The following HMCN1 variants were observed in gnomAD, a reference collection of about 807,000 sequenced individuals.
HMCN1 encodes the protein hemicentin-1.
Under a neutral mutation model 625.9 loss-of-function variants are expected in HMCN1, and 321 were observed. The ratio of observed to expected loss-of-function variants is 0.51; its 90% CI spans 0.47 to 0.56. HMCN1 has a LOEUF of 0.56. Ranked by LOEUF, HMCN1 falls within the 20% of genes least tolerant of loss-of-function variation. The probability of loss-of-function intolerance (pLI) is 0.00; values close to 1 mark genes in which losing one functional copy is unlikely to be tolerated. For missense variants in HMCN1, 6,588 were observed against 6,887.3 expected, an observed-to-expected ratio of 0.96 and a Z score of 1.54; for synonymous variants, 2,425 against 2,417.6, an observed-to-expected ratio of 1.00 and a Z score of -0.09.
intron 42 of HMCN1, 58 bp downstream of exon 42, chr1:186,048,897 A>T: frequency 1.0e-6 from 1 of 997,012 alleles, no homozygotes; most frequent in Non-Finnish European, 1.6e-6. Flanking sequence ...TGTGTCACTT[A>T]AAATGACATT....
In HMCN1 at chr1:186,144,264, C is replaced by A. The variant is rs1650143850; in HGVS notation, c.14016C>A (p.Asn4672Lys). Residue 4672 changes from asparagine to lysine, a missense_variant, in exon 90 of 107, where the codon AAC becomes AAA. This residue lies in a region of HMCN1 where 1,954 missense variants were observed against 2,013.1 expected (regional missense o/e 0.97). Transcript: ENST00000271588. ...GTQTRARLCNNPPPAFGGSYC... is the reference protein window; with the variant it reads ...GTQTRARLCNKPPPAFGGSYC... ...AGACAAGAGCAAGACTTTGTAATAACCCACCACCAGCGTTTGGTGGGTCCT... is the reference window on the plus strand; with the variant it reads ...AGACAAGAGCAAGACTTTGTAATAAACCACCACCAGCGTTTGGTGGGTCCT... The A allele has an allele frequency of 6.2e-7, 1 of 1,613,880 alleles. No homozygotes were observed. The highest frequency in any genetic ancestry group is 8.5e-7 in the Non-Finnish European group (1 of 1,179,970).
intron 1 of HMCN1, among the ~76,000 whole-genome samples, chr1:185,780,365 C>T (rs1656979291): frequency 1.3e-5 from 2 of 152,160 alleles, no homozygotes; most frequent in Admixed American, 6.5e-5. Flanking sequence ...ATTGCCCTGG[C>T]CAGAACTTCC....
At chr1:185,812,368 A>G (rs1322553915) in intron 1 of HMCN1, among the ~76,000 whole-genome samples, 1 of 152,144 alleles carries the variant, frequency 6.6e-6, no homozygotes, top group Non-Finnish European at 1.5e-5. Flanking sequence ...ACTTGACTTG[A>G]AAAAAATGAA....
chr1:186,146,485 A>AG (rs1161556066), intron 93 of HMCN1, among the ~76,000 whole-genome samples: 5 of 152,198 alleles, frequency 3.3e-5, no homozygotes, highest in African/African-American at 1.2e-4. Context: ...TTGTCTCAGA[A>AG]GGCAGGCTTC....
In HMCN1 at chr1:186,130,656, C is replaced by A; in HGVS notation, c.13189C>A (p.Arg4397=). ...GVDIEISHRI[R]QLGNGSLAIY... is the part of the protein sequence containing the mutation. ...GGATATTGAAATTAGCCACAGAATC[C>A]GGCAACTGGGCAATGGCTCCCTGGC... is the stretch of plus-strand genomic sequence containing the variant. Residue 4397 remains arginine, a synonymous_variant, in exon 85 of 107, where the codon CGG becomes AGG. Transcript: ENST00000271588. 2 of 1,613,272 alleles carry A rather than the reference C, an allele frequency of 1.2e-6. No individual in the cohort carries two copies. The highest frequency in any genetic ancestry group is 1.7e-6 in the Non-Finnish European group (2 of 1,179,590).
At chr1:185,804,065 C>T (rs1362216313) in intron 1 of HMCN1, among the ~76,000 whole-genome samples, 1 of 152,026 alleles carries the variant, frequency 6.6e-6, no homozygotes, top group African/African-American at 2.4e-5. Context: ...CATCTCTTTT[C>T]ATACCTTCTA....
At position 185,911,753 on chromosome 1, in the gene HMCN1, G is replaced by A. The variant is rs1294862889; in HGVS notation, c.873G>A (p.Glu291=). ...CTGCCAAAGTAGTGAATGTGAAAGA[G>A]CCAGAGGCTGGAATGTGGACAGTGA... is the stretch of plus-strand genomic sequence containing the variant. ...HNSAKVVNVK[E]PEAGMWTVKT... Residue 291 remains glutamate, a synonymous_variant, in exon 6 of 107, where the codon GAG becomes GAA. Coordinates refer to ENST00000271588, the MANE Select transcript of HMCN1 (RefSeq NM_031935.3). The A allele has an allele frequency of 6.2e-7, 1 of 1,613,010 alleles. No individual in the cohort carries two copies. Among genetic ancestry groups the A allele is most frequent in the Non-Finnish European group, 8.5e-7 (1 of 1,179,140 alleles).
At position 186,084,386 on chromosome 1, in the gene HMCN1, C is replaced by T. The variant is rs114340596; in HGVS notation, c.8884+1425C>T. ...GAGGAAGTAATCACTAGTGTTTTAC[C>T]AATAAGGATTGGAGTTCAGAAATGT... On this transcript the variant is annotated intron_variant, in intron 57 of 106. Coordinates refer to ENST00000271588, the MANE Select transcript of HMCN1 (RefSeq NM_031935.3). 5.8e-3 allele frequency among the ~76,000 whole-genome samples: 889 copies of T among 152,138 alleles called. 11 individuals are homozygous for T. The highest frequency in any genetic ancestry group is 0.021 in the African/African-American group (868 of 41,494).
intron 11 of HMCN1, among the ~76,000 whole-genome samples, chr1:185,957,728 A>G (rs574916858): frequency 3.9e-5 from 6 of 152,280 alleles, no homozygotes; most frequent in Non-Finnish European, 8.8e-5. Flanking sequence ...TTTGTCTTCT[A>G]TGGTATCAGG....
At position 186,062,613 on chromosome 1, in the gene HMCN1, C is replaced by G. The variant is rs1352421587; in HGVS notation, c.7513+13C>G. ...TGTGAAGTGACAGGTATGGGCTCAG[C>G]TCTCAGACTTTTGGTGCTCCCCCCA... On this transcript the variant is annotated intron_variant, in intron 48 of 106. Coordinates refer to ENST00000271588, the MANE Select transcript of HMCN1 (RefSeq NM_031935.3). The G allele has an allele frequency of 3.8e-6, 6 of 1,580,758 alleles. No homozygotes were observed. Among genetic ancestry groups the G allele is most frequent in the Non-Finnish European group, 5.2e-6 (6 of 1,150,120 alleles).
At chr1:185,814,416 A>C (rs946536019) in intron 1 of HMCN1, among the ~76,000 whole-genome samples, 7 of 152,170 alleles carry the variant, frequency 4.6e-5, no homozygotes, top group African/African-American at 1.4e-4. Flanking sequence ...AATAACAGAC[A>C]AACAAAGTTG....
chr1:185,875,193 T>C (rs1255911522), intron 4 of HMCN1, among the ~76,000 whole-genome samples: 1 of 152,042 alleles, frequency 6.6e-6, no homozygotes, highest in Non-Finnish European at 1.5e-5. Context: ...AGTATGATTA[T>C]GGATAATTTT....
chr1:185,978,584 ATAAT>A (rs1402046663), intron 16 of HMCN1, among the ~76,000 whole-genome samples: 1 of 152,202 alleles, frequency 6.6e-6, no homozygotes, highest in Non-Finnish European at 1.5e-5. Flanking sequence ...AAGCATTTAG[ATAAT>A]TAATTGCATT....
Position 186,087,259 on chromosome 1 carries a change from G to T in HMCN1, c.9089G>T (p.Gly3030Val). The T allele has an allele frequency of 6.2e-7, 1 of 1,613,246 alleles. No homozygotes were observed. The highest frequency in any genetic ancestry group is 1.7e-4 in the Middle Eastern group (1 of 6,056). ...LQIIRAKVSD[G>V]GEYTCIAINQ... is the part of the protein sequence containing the mutation. Reference sequence around the variant, plus strand: ...ATTATTCGGGCCAAGGTATCAGATGGTGGTGAATACACTTGTATAGCTATC... The same window carrying T: ...ATTATTCGGGCCAAGGTATCAGATGTTGGTGAATACACTTGTATAGCTATC... Residue 3030 changes from glycine (G) to valine (V), a missense_variant, in exon 59 of 107, where the codon GGT becomes GTT. Gly to Val is a moderately radical substitution (Grantham distance 109, BLOSUM62 -3). This residue lies in a region of HMCN1 where 4,628 missense variants were observed against 4,853.1 expected (regional missense o/e 0.95). Transcript: ENST00000271588.
At chr1:186,002,382 G>T (rs1448485604) in intron 28 of HMCN1, among the ~76,000 whole-genome samples, 1 of 151,896 alleles carries the variant, frequency 6.6e-6, no homozygotes, top group Admixed American at 6.6e-5. Flanking sequence ...CCTTACAATG[G>T]GCACATAATT....
intron 50 of HMCN1, 26 bp from the exon 51 acceptor site, chr1:186,069,637 C>A (rs1373072342): frequency 1.4e-6 from 2 of 1,469,912 alleles, no homozygotes; most frequent in Non-Finnish European, 1.9e-6. Context: ...ATTTTAGAGA[C>A]TCTTTGATGT....
chr1:186,144,439 C>T lies in HMCN1; in HGVS notation c.14096-94C>T. 4 of 1,602,224 alleles carry T rather than the reference C, an allele frequency of 2.5e-6. No homozygotes were observed. In the South Asian group the frequency reaches 4.4e-5, roughly 18 times the overall value. ...AAGAATCTATCCCATTCTAACTGTG[C>T]CCACAAGAACATCTCTCAAACTAAC... On this transcript the variant is annotated intron_variant, in intron 90 of 106. Transcript: ENST00000271588.
chr1:185,989,077 G>A (rs1396626986), intron 20 of HMCN1, among the ~76,000 whole-genome samples: 2 of 134,078 alleles, frequency 1.5e-5, no homozygotes, highest in East Asian at 4.5e-4. Flanking sequence ...GCACGATCTT[G>A]GCTCACTGCA....
intron 89 of HMCN1, among the ~76,000 whole-genome samples, chr1:186,138,502 G>T (rs1331178461): frequency 1.3e-5 from 2 of 152,162 alleles, no homozygotes; most frequent in Non-Finnish European, 2.9e-5. Context: ...ACAAGTCCAA[G>T]TAGAAAATTT....
Sources: gnomAD v4.1 joint callset for allele counts (sites outside exome capture counted in the v4.1 genomes callset) on GRCh38, gnomAD v4.1.1 for gene constraint, gnomAD v4.1.1 regional missense constraint, MANE v1.5 for transcripts, NCBI Gene and HGNC (gene_info 2026-07-23, HGNC 2026-07-21) for gene names.